The following SRPRB variants were observed in gnomAD, a reference collection of about 807,000 sequenced individuals.
The protein encoded by SRPRB is SRP receptor subunit beta.
SRPRB carries 20 observed loss-of-function variants against 31.9 expected under a neutral mutation model. The observed-to-expected ratio is 0.63, with a 90% CI of 0.44 to 0.91. SRPRB has a LOEUF of 0.91. Among genes scored for constraint, SRPRB ranks in the 40% least tolerant of loss-of-function variants. SRPRB has a pLI of 0.00. For synonymous variants in SRPRB, 146 were observed against 132.8 expected (o/e 1.10, Z -0.68); for missense variants, 321 against 324.9 (o/e 0.99, Z 0.09).
chr3:133,808,321 TG>T (rs1430571870), intron 3 of SRPRB, among the ~76,000 whole-genome samples: 6 of 147,234 alleles, frequency 4.1e-5, no homozygotes, highest in Non-Finnish European at 1.5e-5. Flanking sequence ...TATCCTTTAT[TG>T]TTGTTTTTTT....
chr3:133,805,291 A>G (rs908925642), upstream of SRPRB, among the ~76,000 whole-genome samples: 1 of 152,198 alleles, frequency 6.6e-6, no homozygotes, highest in African/African-American at 2.4e-5. Flanking sequence ...TCTTCTGCAC[A>G]GCACCTTTTT....
At chr3:133,807,318 A>T (rs1935180743) in intron 2 of SRPRB, among the ~76,000 whole-genome samples, 1 of 138,282 alleles carries the variant, frequency 7.2e-6, no homozygotes, top group African/African-American at 2.8e-5. Context: ...CAGTGGCGAG[A>T]TCTCTGCTCA....
At chr3:133,796,094 CT>C (rs1048021081) in intron 1 of SRPRB, 1 of 152,856 alleles carries the variant, frequency 6.5e-6, no homozygotes, top group African/African-American at 2.4e-5. Context: ...TATCCACCCC[CT>C]GAGTTCCCAT....
intron 6 of SRPRB, 21 bp from the exon 7 acceptor site, chr3:133,819,532 T>A: frequency 1.9e-6 from 3 of 1,601,208 alleles, no homozygotes; most frequent in Non-Finnish European, 1.7e-6. Context: ...GCCTCCTGAC[T>A]TCTTTCCTTT....
chr3:133,810,242 A>T (rs1292395175), intron 3 of SRPRB: 1 of 152,216 alleles, frequency 6.6e-6, no homozygotes, highest in East Asian at 1.9e-4. Flanking sequence ...GGTCATAATA[A>T]ACCCAGCTGG....
In SRPRB at chr3:133,809,147, C is replaced by T. The variant is rs1489799905; in HGVS notation, c.327+1324C>T. 9.2e-5 allele frequency among the ~76,000 whole-genome samples: 14 copies of T among 151,886 alleles called. No individual in the cohort carries two copies. The South Asian group carries it at 1.2e-3, about 14-fold the overall frequency. ...AGCTGGGATTACAGGCGCCCACCAC[C>T]ATGCCTGGCTAATTTTTGTATTTTT... On this transcript the variant is annotated intron_variant, in intron 3 of 6. Coordinates refer to ENST00000678299, the MANE Select transcript of SRPRB (RefSeq NM_001379313.1).
chr3:133,823,066 T>C (rs904392577), downstream of SRPRB, among the ~76,000 whole-genome samples: 82 of 152,312 alleles, frequency 5.4e-4, no homozygotes, highest in Non-Finnish European at 3.5e-4. Context: ...GTTTCCCTGC[T>C]CTCTCAGTAG....
At chr3:133,803,174 T>C (rs1289645345), upstream of SRPRB, among the ~76,000 whole-genome samples, 1 of 152,204 alleles carries the variant, frequency 6.6e-6, no homozygotes, top group Non-Finnish European at 1.5e-5. Flanking sequence ...TCTCTCTGTC[T>C]GAAGTTTTTT....
chr3:133,787,030 G>T (rs1018194549), intron 1 of SRPRB: 2 of 152,146 alleles, frequency 1.3e-5, no homozygotes, highest in African/African-American at 4.8e-5. Flanking sequence ...GAAATGGGAG[G>T]GAAGAAATTG....
intron 1 of SRPRB, chr3:133,793,212 G>A (rs1207755889): frequency 1.3e-5 from 2 of 152,156 alleles, no homozygotes; most frequent in Non-Finnish European, 2.9e-5. Context: ...TGTTTGTAAA[G>A]TAAGTCTTCC....
chr3:133,817,263 G>T (rs1434037778), intron 6 of SRPRB, among the ~76,000 whole-genome samples: 5 of 152,164 alleles, frequency 3.3e-5, no homozygotes, highest in African/African-American at 1.2e-4. Flanking sequence ...TGTTATTTCA[G>T]TGAGTGGAAG....
chr3:133,824,158 C>T (rs926038485), downstream of SRPRB: 6 of 152,268 alleles, frequency 3.9e-5, no homozygotes, highest in Admixed American at 2.6e-4. Flanking sequence ...AAAAGGGACT[C>T]TGTGGAGCAC....
intron 4 of SRPRB, among the ~76,000 whole-genome samples, chr3:133,815,184 C>G (rs1935344559): frequency 6.6e-6 from 1 of 152,138 alleles, no homozygotes; most frequent in Admixed American, 6.5e-5. Context: ...CAGCCTGTGC[C>G]CCAATTTTTG....
upstream of SRPRB, among the ~76,000 whole-genome samples, chr3:133,801,674 T>C (rs919594280): frequency 6.6e-6 from 1 of 152,174 alleles, no homozygotes; most frequent in Non-Finnish European, 1.5e-5. Flanking sequence ...CTAATGGTAA[T>C]ATCCAGTGAT....
At chr3:133,828,164 C>T (rs1935602226), downstream of SRPRB, 1 of 594,960 alleles carries the variant, frequency 1.7e-6, no homozygotes, top group African/African-American at 1.9e-5. Flanking sequence ...CTCAGCTCCA[C>T]ACGAGGTTGA....
chr3:133,806,768 G>T (rs1703813384), intron 2 of SRPRB, 65 bp downstream of exon 2: 1 of 1,207,250 alleles, frequency 8.3e-7, no homozygotes, highest in African/African-American at 1.5e-5. Flanking sequence ...CAGTATTCCT[G>T]TCATCTCACG....
At chr3:133,813,646 C>T (rs1440610674) in intron 4 of SRPRB, among the ~76,000 whole-genome samples, 1 of 152,094 alleles carries the variant, frequency 6.6e-6, no homozygotes, top group Non-Finnish European at 1.5e-5. Flanking sequence ...TTATAGATAG[C>T]TTTATTATCT....
chr3:133,822,270 G>A (rs1192595366), downstream of SRPRB, among the ~76,000 whole-genome samples: 1 of 152,008 alleles, frequency 6.6e-6, no homozygotes, highest in African/African-American at 2.4e-5. Flanking sequence ...GACAGCAGCT[G>A]CCTAATGCAA....
chr3:133,792,285 A>T (rs1934858805), intron 1 of SRPRB: 1 of 152,204 alleles, frequency 6.6e-6, no homozygotes, highest in South Asian at 2.1e-4. Context: ...AAAAAGAGGG[A>T]TGTTTAGGAC....
Sources: allele counts gnomAD v4.1 joint callset (sites outside exome capture counted in the v4.1 genomes callset), GRCh38; gene constraint gnomAD v4.1.1; transcripts MANE v1.5; gene names NCBI Gene and HGNC (gene_info 2026-07-23, HGNC 2026-07-21).